The following MCTP1 variants were observed in gnomAD, a reference collection of about 807,000 sequenced individuals.
MCTP1 encodes the protein multiple C2 and transmembrane domain-containing protein 1.
A neutral mutation model predicts 120.6 loss-of-function variants in MCTP1; 69 were observed. The ratio of observed to expected loss-of-function variants is 0.57; its 90% CI spans 0.47 to 0.70. MCTP1 has a LOEUF of 0.70. MCTP1 is among the 30% of genes least tolerant of loss of function. MCTP1 has a pLI of 0.00. For synonymous variants in MCTP1, 529 were observed against 493.1 expected (o/e 1.07, Z -0.96); for missense variants, 1,203 against 1,248.8 (o/e 0.96, Z 0.55).
At chr5:95,115,404 A>T (rs1757748798) in intron 1 of MCTP1, among the ~76,000 whole-genome samples, 1 of 152,160 alleles carries the variant, frequency 6.6e-6, no homozygotes, top group African/African-American at 2.4e-5. Context: ...GGAATTCAGA[A>T]TTCTATCAGA....
At chr5:94,915,267 A>C (rs1809754159) in intron 8 of MCTP1, among the ~76,000 whole-genome samples, 1 of 152,242 alleles carries the variant, frequency 6.6e-6, no homozygotes, top group African/African-American at 2.4e-5. Context: ...AATGGTAGAT[A>C]TATGACTAGA....
At chr5:95,239,171 A>G (rs1755889379) in intron 1 of MCTP1, among the ~76,000 whole-genome samples, 1 of 152,166 alleles carries the variant, frequency 6.6e-6, no homozygotes, top group Admixed American at 6.5e-5. Context: ...AAATTCTGAA[A>G]ATGTTATGAT....
At chr5:94,932,432 T>A (rs1267626846) in intron 5 of MCTP1, among the ~76,000 whole-genome samples, 8 of 152,004 alleles carry the variant, frequency 5.3e-5, no homozygotes, top group Non-Finnish European at 1.0e-4. Flanking sequence ...CCAGTTAATC[T>A]TTAACTACAT....
At chr5:95,014,154 C>T (rs1313218961) in intron 2 of MCTP1, among the ~76,000 whole-genome samples, 1 of 152,058 alleles carries the variant, frequency 6.6e-6, no homozygotes, top group African/African-American at 2.4e-5. Flanking sequence ...GTCCTAGCTA[C>T]TCATTAGGCT....
At chr5:94,992,160 C>T (rs1831688589) in intron 2 of MCTP1, among the ~76,000 whole-genome samples, 1 of 152,050 alleles carries the variant, frequency 6.6e-6, no homozygotes, top group African/African-American at 2.4e-5. Flanking sequence ...CGTGCCAGAG[C>T]CCATTGGAAT....
intron 1 of MCTP1, among the ~76,000 whole-genome samples, chr5:95,278,370 C>T (rs182826797): frequency 8.6e-4 from 131 of 152,264 alleles, no homozygotes; most frequent in South Asian, 5.4e-3. Flanking sequence ...AAAAAGGTGC[C>T]TCTTCTTTGA....
intron 1 of MCTP1, among the ~76,000 whole-genome samples, chr5:95,143,309 G>T (rs73777310): frequency 1.3e-5 from 2 of 152,114 alleles, no homozygotes; most frequent in African/African-American, 4.8e-5. Context: ...AACCCAATTT[G>T]CTACAAACAA....
At chr5:95,223,909 C>T (rs1350104667) in intron 1 of MCTP1, among the ~76,000 whole-genome samples, 1 of 152,126 alleles carries the variant, frequency 6.6e-6, no homozygotes, top group African/African-American at 2.4e-5. Context: ...GAAGGTCATA[C>T]CAAACATTTA....
At chr5:95,125,203 C>T (rs982276525) in intron 1 of MCTP1, among the ~76,000 whole-genome samples, 2 of 152,146 alleles carry the variant, frequency 1.3e-5, no homozygotes, top group Non-Finnish European at 2.9e-5. Flanking sequence ...TCTTCCAATC[C>T]AATCATTTGT....
chr5:95,184,871 A>G (rs1749022298), intron 1 of MCTP1, among the ~76,000 whole-genome samples: 1 of 152,110 alleles, frequency 6.6e-6, no homozygotes, highest in Admixed American at 6.5e-5. Flanking sequence ...AGAAGACATT[A>G]AGAAAACCTA....
At chr5:94,771,475 CAATT>C (rs1243555080) in intron 19 of MCTP1, among the ~76,000 whole-genome samples, 2 of 152,112 alleles carry the variant, frequency 1.3e-5, no homozygotes, top group African/African-American at 4.8e-5. Flanking sequence ...CTCTATTCGC[CAATT>C]AATAATATAG....
chr5:95,049,352 G>A (rs746329452), intron 1 of MCTP1, among the ~76,000 whole-genome samples: 3 of 152,008 alleles, frequency 2.0e-5, no homozygotes, highest in Admixed American at 6.6e-5. Context: ...CTGAATTACC[G>A]CCCACCGTTA....
intron 10 of MCTP1, among the ~76,000 whole-genome samples, chr5:94,897,672 T>C (rs562590828): frequency 1.3e-5 from 2 of 152,254 alleles, no homozygotes; most frequent in African/African-American, 4.8e-5. Context: ...GCCGACTTTT[T>C]CCCCCAAACT....
At chr5:94,944,564 C>T (rs550603386) in intron 3 of MCTP1, among the ~76,000 whole-genome samples, 2 of 152,148 alleles carry the variant, frequency 1.3e-5, no homozygotes, top group African/African-American at 4.8e-5. Flanking sequence ...GGTTCACCCA[C>T]ACACATGAGG....
chr5:94,762,160 G>A (rs537199768), intron 19 of MCTP1, among the ~76,000 whole-genome samples: 26 of 152,364 alleles, frequency 1.7e-4, no homozygotes, highest in Non-Finnish European at 3.2e-4. Context: ...TGCCAAACAT[G>A]GCGGGCTTTG....
intron 17 of MCTP1, among the ~76,000 whole-genome samples, chr5:94,800,851 A>G: frequency 6.6e-6 from 1 of 152,252 alleles, no homozygotes; most frequent in East Asian, 1.9e-4. Flanking sequence ...AAGTTCCTGC[A>G]TAAGAAAAGT....
intron 3 of MCTP1, among the ~76,000 whole-genome samples, chr5:94,946,302 G>A (rs1818903674): frequency 6.6e-6 from 1 of 152,030 alleles, no homozygotes; most frequent in South Asian, 2.1e-4. Context: ...AGCATTCCCA[G>A]CAAAGTACTG....
chr5:95,039,281 C>T (rs903289745), intron 1 of MCTP1, among the ~76,000 whole-genome samples: 8 of 152,122 alleles, frequency 5.3e-5, no homozygotes, highest in African/African-American at 1.9e-4. Context: ...AAAGGAAGTG[C>T]TTTAAAGGAG....
chr5:95,030,506 C>A (rs1332642551), intron 1 of MCTP1, among the ~76,000 whole-genome samples: 1 of 152,132 alleles, frequency 6.6e-6, no homozygotes, highest in Non-Finnish European at 1.5e-5. Flanking sequence ...ATCCAATACA[C>A]CAGTACAACA....
Sources: gnomAD v4.1 joint callset for allele counts (sites outside exome capture counted in the v4.1 genomes callset) on GRCh38, gnomAD v4.1.1 for gene constraint, MANE v1.5 for transcripts, NCBI Gene and HGNC (gene_info 2026-07-23, HGNC 2026-07-21) for gene names.